FHIT: variants seen among roughly 807,000 people sequenced by gnomAD.
FHIT encodes bis(5'-adenosyl)-triphosphatase.
In FHIT, 19 loss-of-function variants were observed where a neutral mutation model predicts 17.9. The observed-to-expected ratio is 1.06, with a 90% CI of 0.74 to 1.56. The LOEUF is 1.56. Among genes scored for constraint, FHIT ranks in the 40% most tolerant of loss-of-function variants. The probability of loss-of-function intolerance (pLI) is 0.00; values close to 1 mark genes in which losing one functional copy is unlikely to be tolerated. For synonymous variants in FHIT, 81 were observed against 69.7 expected, an observed-to-expected ratio of 1.16 and a Z score of -0.81; for missense variants, 248 against 189.2, an observed-to-expected ratio of 1.31 and a Z score of -1.82.
intron 5 of FHIT, among the ~76,000 whole-genome samples, chr3:60,118,640 C>G (rs1204381020): frequency 2.0e-5 from 3 of 151,856 alleles, no homozygotes; most frequent in Non-Finnish European, 2.9e-5. Flanking sequence ...AAATAAGAAA[C>G]GAATGCTAAT....
chr3:60,916,110 A>G (rs1553767042), intron 3 of FHIT, among the ~76,000 whole-genome samples: 1 of 152,154 alleles, frequency 6.6e-6, no homozygotes, highest in Non-Finnish European at 1.5e-5. Context: ...ATTTTATTAC[A>G]AAGATTATAA....
At chr3:59,945,072 T>C (rs1221614750) in intron 7 of FHIT, among the ~76,000 whole-genome samples, 1 of 152,132 alleles carries the variant, frequency 6.6e-6, no homozygotes, top group Non-Finnish European at 1.5e-5. Context: ...TGAATAGTAG[T>C]TCTGTATTAA....
intron 5 of FHIT, among the ~76,000 whole-genome samples, chr3:60,249,920 C>T (rs1004755355): frequency 6.6e-6 from 1 of 151,964 alleles, no homozygotes; most frequent in African/African-American, 2.4e-5. Flanking sequence ...GGAAGGAGAG[C>T]CTGTACAGAG....
At chr3:59,765,905 T>C (rs1701771729) in intron 8 of FHIT, among the ~76,000 whole-genome samples, 1 of 152,198 alleles carries the variant, frequency 6.6e-6, no homozygotes, top group South Asian at 2.1e-4. Context: ...AAAACAAATG[T>C]TTGATAGTGA....
At chr3:59,892,889 C>T (rs375512711) in intron 8 of FHIT, among the ~76,000 whole-genome samples, 1 of 152,144 alleles carries the variant, frequency 6.6e-6, no homozygotes, top group South Asian at 2.1e-4. Context: ...CCTGAAAACA[C>T]TGATCCTTGA....
chr3:60,013,065 G>A (rs1440239848), intron 6 of FHIT, among the ~76,000 whole-genome samples: 1 of 152,128 alleles, frequency 6.6e-6, no homozygotes, highest in Non-Finnish European at 1.5e-5. Context: ...GGGAAGTTTA[G>A]CTACTCTTAA....
At chr3:60,104,274 T>C (rs1275799715) in intron 5 of FHIT, among the ~76,000 whole-genome samples, 2 of 152,160 alleles carry the variant, frequency 1.3e-5, no homozygotes, top group Non-Finnish European at 2.9e-5. Context: ...AATCAACCAG[T>C]GTTCATTAAA....
intron 4 of FHIT, among the ~76,000 whole-genome samples, chr3:60,545,277 G>T (rs1399447843): frequency 1.3e-5 from 2 of 152,056 alleles, no homozygotes; most frequent in African/African-American, 4.8e-5. Context: ...TTATTCAAAA[G>T]TAAGATCTAT....
chr3:59,929,377 T>G (rs1321860762), intron 7 of FHIT, among the ~76,000 whole-genome samples: 6 of 138,482 alleles, frequency 4.3e-5, no homozygotes, highest in Non-Finnish European at 7.8e-5. Flanking sequence ...TTTTTTTTTT[T>G]TTTTTTTTTT....
chr3:61,112,936 A>G (rs973577366), intron 2 of FHIT, among the ~76,000 whole-genome samples: 5 of 152,130 alleles, frequency 3.3e-5, no homozygotes, highest in African/African-American at 4.8e-5. Flanking sequence ...GGAACTAACT[A>G]TGGAACAAGA....
At chr3:60,324,703 A>G (rs1293958845) in intron 5 of FHIT, among the ~76,000 whole-genome samples, 1 of 152,186 alleles carries the variant, frequency 6.6e-6, no homozygotes, top group East Asian at 1.9e-4. Context: ...AAATGCGTCC[A>G]CTATATGGCT....
At chr3:59,861,398 T>C (rs1384023231) in intron 8 of FHIT, among the ~76,000 whole-genome samples, 2 of 152,152 alleles carry the variant, frequency 1.3e-5, no homozygotes, top group African/African-American at 4.8e-5. Flanking sequence ...CACAGAAACA[T>C]TTATTTTCAG....
At chr3:60,010,866 G>T (rs981734009) in intron 7 of FHIT, among the ~76,000 whole-genome samples, 3 of 152,190 alleles carry the variant, frequency 2.0e-5, no homozygotes, top group African/African-American at 7.2e-5. Flanking sequence ...AAGAGTAGGT[G>T]TGGGGGTGAC....
chr3:59,969,467 T>C (rs3821478), intron 7 of FHIT, among the ~76,000 whole-genome samples: 49,578 of 151,938 alleles, frequency 0.33, 9,644 homozygotes, highest in East Asian at 0.52. Flanking sequence ...ATCCTAACGC[T>C]TGAATTTCAC....
chr3:60,206,144 A>AT (rs911147630), intron 5 of FHIT, among the ~76,000 whole-genome samples: 9 of 134,826 alleles, frequency 6.7e-5, no homozygotes, highest in Non-Finnish European at 1.2e-4. Context: ...AAAAAAAAAA[A>AT]AAATAAATAA....
At chr3:59,759,761 G>T (rs1457990363) in intron 8 of FHIT, among the ~76,000 whole-genome samples, 1 of 151,962 alleles carries the variant, frequency 6.6e-6, no homozygotes, top group Non-Finnish European at 1.5e-5. Context: ...TTGTCTATGT[G>T]CTGGTTACTG....
chr3:61,202,984 T>C (rs539267011), intron 1 of FHIT, among the ~76,000 whole-genome samples: 80 of 151,904 alleles, frequency 5.3e-4, no homozygotes, highest in African/African-American at 1.8e-3. Flanking sequence ...ATCGAGACCA[T>C]CCTGGCTAAT....
At chr3:59,810,263 C>T (rs145333997) in intron 8 of FHIT, among the ~76,000 whole-genome samples, 169 of 152,188 alleles carry the variant, frequency 1.1e-3, no homozygotes, top group African/African-American at 4.0e-3. Context: ...ATCAAAGGCA[C>T]GGTTTGAGCC....
rs536265139 is a variant in FHIT at position 60,534,427 on chromosome 3, G to C, written c.103+2433C>G. Among the ~76,000 whole-genome samples the C allele has an allele frequency of 8.5e-5, 5 of 58,816 alleles. 1 individual carries two copies. The South Asian group carries it at 3.7e-3, about 44-fold the overall frequency. The allele number at this position is 58,816 out of a possible 152,430, so 38.6% of individuals were successfully genotyped here. On this transcript the variant is annotated intron_variant, in intron 5 of 9. Transcript: ENST00000492590. ...CGCAGTCCGGCCTGGGCGACAGAGC[G>C]AGACTCCGTCTCAAAAAAAAAAAAA...
Sources: allele counts gnomAD v4.1 joint callset (sites outside exome capture counted in the v4.1 genomes callset), GRCh38; gene constraint gnomAD v4.1.1; transcripts MANE v1.5; gene names NCBI Gene and HGNC (gene_info 2026-07-23, HGNC 2026-07-21).